The following CPEB1 variants were observed in gnomAD, a reference collection of about 807,000 sequenced individuals.
CPEB1 encodes the protein cytoplasmic polyadenylation element-binding protein 1.
A neutral mutation model predicts 65.8 loss-of-function variants in CPEB1; 7 were observed. The observed-to-expected ratio is 0.11, with a 90% confidence interval of 0.06 to 0.20. The LOEUF (loss-of-function observed/expected upper bound fraction) is 0.20. Among genes scored for constraint, CPEB1 ranks in the 10% least tolerant of loss-of-function variants. The probability of loss-of-function intolerance (pLI) is 1.00; values close to 1 mark genes in which losing one functional copy is unlikely to be tolerated. For missense variants in CPEB1, 551 were observed against 712.2 expected (o/e 0.77, Z 2.58); for synonymous variants, 262 against 260.0 (o/e 1.01, Z -0.08).
chr15:82,551,336 GC>G (rs1296369259), intron 9 of CPEB1, among the ~76,000 whole-genome samples: 2 of 152,058 alleles, frequency 1.3e-5, no homozygotes, highest in African/African-American at 4.8e-5. Flanking sequence ...AATACTCTCT[GC>G]CCCCACACTT....
upstream of CPEB1, chr15:82,647,598 C>A (rs925585165): frequency 9.2e-6 from 3 of 324,790 alleles, no homozygotes; most frequent in Non-Finnish European, 1.7e-5. Flanking sequence ...GGCTCGGAGG[C>A]CCCACCGGCC....
At chr15:82,627,830 G>C (rs1457200971) in intron 2 of CPEB1, among the ~76,000 whole-genome samples, 1 of 152,162 alleles carries the variant, frequency 6.6e-6, no homozygotes, top group African/African-American at 2.4e-5. Flanking sequence ...CCTGGAGTCA[G>C]AAAGTACCTT....
In CPEB1 at chr15:82,646,475, G is replaced by C. The variant is rs147349730; in HGVS notation, c.-98+662C>G. On this transcript the variant is annotated intron_variant, in intron 1 of 12. Coordinates refer to ENST00000684509, the MANE Select transcript of CPEB1 (RefSeq NM_001365242.1). ...GCGCGGGGCGGGGGAGGAGAGACGC[G>C]GCCTCCTCCCAGGCGGGCCTGGCGG... 4.7e-3 allele frequency among the ~76,000 whole-genome samples: 711 copies of C among 152,256 alleles called. 4 individuals are homozygous for C. The highest frequency in any genetic ancestry group is 5.3e-3 in the Non-Finnish European group (362 of 67,998).
At chr15:82,566,896 A>T (rs1013609480) in intron 4 of CPEB1, among the ~76,000 whole-genome samples, 1 of 152,094 alleles carries the variant, frequency 6.6e-6, no homozygotes, top group Admixed American at 6.6e-5. Context: ...AGGGCCCAAG[A>T]TACTGATCTT....
At chr15:82,606,257 C>G (rs1170212128) in intron 3 of CPEB1, among the ~76,000 whole-genome samples, 1 of 147,638 alleles carries the variant, frequency 6.8e-6, no homozygotes, top group Non-Finnish European at 1.5e-5. Flanking sequence ...CACTTGAGTT[C>G]AGGGGTTTGA....
chr15:82,561,107 G>A (rs925249012), intron 4 of CPEB1, among the ~76,000 whole-genome samples: 32 of 152,216 alleles, frequency 2.1e-4, no homozygotes, highest in African/African-American at 7.0e-4. Flanking sequence ...ATATAAACAC[G>A]AAGAGGTGGG....
chr15:82,572,976 G>A, intron 3 of CPEB1: 2 of 1,437,358 alleles, frequency 1.4e-6, no homozygotes, highest in Non-Finnish European at 9.2e-7. Context: ...AGGAGGGTAG[G>A]GCAACAGGCC....
At chr15:82,553,820 C>T (rs534761941) in intron 7 of CPEB1, 58 bp downstream of exon 7, 2 of 1,235,766 alleles carry the variant, frequency 1.6e-6, no homozygotes, top group East Asian at 4.6e-5. Flanking sequence ...AAGTTTCATG[C>T]TCCTGAAAGA....
intron 1 of CPEB1, among the ~76,000 whole-genome samples, chr15:82,630,695 CCAAGCCAAGG>C (rs1327217627): frequency 6.6e-5 from 10 of 152,192 alleles, no homozygotes; most frequent in African/African-American, 2.4e-4. Context: ...ACATTGTCCT[CCAAGCCAAGG>C]TGGCCTGGAG....
chr15:82,605,214 C>G (rs928444069), intron 3 of CPEB1, among the ~76,000 whole-genome samples: 1 of 152,076 alleles, frequency 6.6e-6, no homozygotes, highest in African/African-American at 2.4e-5. Context: ...AGCAGACCTC[C>G]CCTACAACAA....
intron 3 of CPEB1, among the ~76,000 whole-genome samples, chr15:82,604,973 T>TA (rs1209705821): frequency 3.3e-5 from 5 of 152,050 alleles, no homozygotes; most frequent in African/African-American, 4.8e-5. Flanking sequence ...GCCGGAGACA[T>TA]AGAAAGGGCA....
intron 3 of CPEB1, among the ~76,000 whole-genome samples, chr15:82,590,857 C>T (rs994811205): frequency 1.3e-5 from 2 of 152,304 alleles, no homozygotes; most frequent in South Asian, 2.1e-4. Flanking sequence ...TCCTTCTTCA[C>T]GGCTGTGTGT....
chr15:82,642,833 T>C (rs1342491597), intron 1 of CPEB1, among the ~76,000 whole-genome samples: 1 of 152,190 alleles, frequency 6.6e-6, no homozygotes, highest in East Asian at 1.9e-4. Context: ...TGTTATTTGA[T>C]CCCATGATTC....
At chr15:82,599,265 G>A (rs991389281) in intron 3 of CPEB1, among the ~76,000 whole-genome samples, 2 of 152,138 alleles carry the variant, frequency 1.3e-5, no homozygotes, top group African/African-American at 4.8e-5. Flanking sequence ...CACGTTCCTA[G>A]GCTCTTCACT....
intron 4 of CPEB1, among the ~76,000 whole-genome samples, chr15:82,567,153 T>G (rs1404558319): frequency 6.6e-6 from 1 of 152,182 alleles, no homozygotes; most frequent in African/African-American, 2.4e-5. Context: ...AGGAAGTCCA[T>G]GTTCCACATA....
At chr15:82,644,188 A>G (rs1596150758) in intron 1 of CPEB1, among the ~76,000 whole-genome samples, 1 of 152,236 alleles carries the variant, frequency 6.6e-6, no homozygotes, top group South Asian at 2.1e-4. Flanking sequence ...CACTCAGAAG[A>G]CCCACACTGA....
chr15:82,638,164 A>C (rs2046820318), intron 1 of CPEB1, among the ~76,000 whole-genome samples: 1 of 152,210 alleles, frequency 6.6e-6, no homozygotes, highest in African/African-American at 2.4e-5. Context: ...TATCATTGTC[A>C]GACAACTGTG....
intron 4 of CPEB1, among the ~76,000 whole-genome samples, chr15:82,558,309 G>A (rs2037583533): frequency 6.7e-6 from 1 of 150,080 alleles, no homozygotes. Flanking sequence ...GGTCACAGCT[G>A]CTATTAATGC....
chr15:82,577,056 T>G lies in CPEB1; in HGVS notation c.272-5524A>C, dbSNP rs1475370308. ...CAGGACTCCATTAAATGAGGCATTA[T>G]AGTAGAAATTTTTTTCTGTAAATAA... On this transcript the variant is annotated intron_variant, in intron 3 of 12. Coordinates refer to ENST00000684509, the MANE Select transcript of CPEB1 (RefSeq NM_001365242.1). 1.3e-5 allele frequency among the ~76,000 whole-genome samples: 2 copies of G among 152,312 alleles called. 1 individual carries two copies. Among genetic ancestry groups the G allele is most frequent in the Admixed American group, 1.3e-4 (2 of 15,302 alleles).
Sources: allele counts gnomAD v4.1 joint callset (sites outside exome capture counted in the v4.1 genomes callset), GRCh38; gene constraint gnomAD v4.1.1; transcripts MANE v1.5; gene names NCBI Gene and HGNC (gene_info 2026-07-23, HGNC 2026-07-21).